Variants in RAB33A observed in about 807,000 individuals in gnomAD.
The protein encoded by RAB33A is RAB33A, member RAS oncogene family.
A neutral mutation model predicts 12.0 loss-of-function variants in RAB33A; 6 were observed. The observed-to-expected ratio is 0.50, with a 90% CI of 0.27 to 0.99. The LOEUF (loss-of-function observed/expected upper bound fraction) is 0.99, where lower values mean the gene tolerates loss of function less well. RAB33A is among the 50% of genes least tolerant of loss of function. The pLI, the probability that RAB33A is intolerant of heterozygous loss-of-function variation, is 0.11. For missense variants in RAB33A, 109 were observed against 192.0 expected, an observed-to-expected ratio of 0.57 and a Z score of 2.55; for synonymous variants, 70 against 82.4, an observed-to-expected ratio of 0.85 and a Z score of 0.81.
At chrX:130,150,577 T>C in the RAB33A span, among the ~76,000 whole-genome samples, 10 of 105,679 alleles carry the variant, frequency 9.5e-5, no homozygotes, top group East Asian at 1.8e-3. Flanking sequence ...CCTCGTGATC[T>C]GCCCGCCTCG....
chrX:130,169,951 G>A (rs1255480144), upstream of RAB33A, among the ~76,000 whole-genome samples: 6 of 111,930 alleles, frequency 5.4e-5, no homozygotes, highest in Admixed American at 3.8e-4. Context: ...AGAGGGGAAC[G>A]ATCCAGCAAA....
the RAB33A span, chrX:130,165,825 A>G: frequency 2.0e-6 from 1 of 512,515 alleles, no homozygotes; most frequent in Admixed American, 2.7e-5. Flanking sequence ...GGCCTGCTAG[A>G]GCCGGGGAAG....
upstream of RAB33A, among the ~76,000 whole-genome samples, chrX:130,168,210 CTTTTT>C (rs377586962): frequency 5.9e-3 from 559 of 94,141 alleles, 1 homozygote; most frequent in African/African-American, 0.018. Context: ...CAAAGATACT[CTTTTT>C]TTTTTTTTTT....
At chrX:130,178,871 C>T (rs1445195297) in intron 1 of RAB33A, among the ~76,000 whole-genome samples, 1 of 108,154 alleles carries the variant, frequency 9.2e-6, no homozygotes, top group Non-Finnish European at 1.9e-5. Flanking sequence ...CCAGGATGGT[C>T]TCGATCTCCT....
At chrX:130,143,099 G>A in the RAB33A span, among the ~76,000 whole-genome samples, 1 of 111,527 alleles carries the variant, frequency 9.0e-6, no homozygotes, top group Non-Finnish European at 1.9e-5. Context: ...TCTTAAGCCT[G>A]CTTCCTAAAA....
the RAB33A span, among the ~76,000 whole-genome samples, chrX:130,155,650 A>G: frequency 1.8e-5 from 2 of 112,075 alleles, no homozygotes; most frequent in Non-Finnish European, 3.8e-5. Context: ...ACCAATGTAG[A>G]AAAAAACCCC....
At chrX:130,121,338 A>C in the RAB33A span, among the ~76,000 whole-genome samples, 2 of 77,675 alleles carry the variant, frequency 2.6e-5, no homozygotes, top group African/African-American at 5.3e-5. Flanking sequence ...TCCGCACCCC[A>C]CCCCCGGGTT....
chrX:130,114,340 C>G, the RAB33A span, among the ~76,000 whole-genome samples: 1 of 111,768 alleles, frequency 8.9e-6, no homozygotes, highest in Admixed American at 9.5e-5. Flanking sequence ...GCCCCACCCC[C>G]CTTGATGAAA....
the RAB33A span, among the ~76,000 whole-genome samples, chrX:130,135,439 T>TA: frequency 0.5 from 36,406 of 72,904 alleles, 8,235 homozygotes; most frequent in East Asian, 0.82. Context: ...TTTTTTTTTT[T>TA]AAAAAAAAAA....
the RAB33A span, among the ~76,000 whole-genome samples, chrX:130,132,168 G>A: frequency 2.3e-4 from 26 of 111,806 alleles, no homozygotes; most frequent in East Asian, 1.7e-3. Flanking sequence ...CACCGCACCC[G>A]ACCAACACCG....
chrX:130,117,826 G>C, the RAB33A span, among the ~76,000 whole-genome samples: 1 of 112,617 alleles, frequency 8.9e-6, no homozygotes, highest in Admixed American at 9.3e-5. Flanking sequence ...ATGAATAACT[G>C]CTGGCCCAAC....
chrX:130,171,477 C>G (rs1027316712), upstream of RAB33A, among the ~76,000 whole-genome samples: 2 of 112,324 alleles, frequency 1.8e-5, no homozygotes, highest in African/African-American at 3.2e-5. Context: ...AGGTGCAGCT[C>G]TTTGTCCTCC....
the RAB33A span, chrX:130,140,474 G>A: frequency 1.0e-6 from 1 of 989,060 alleles, no homozygotes; most frequent in Non-Finnish European, 1.4e-6. Flanking sequence ...AGAGAAGGCT[G>A]GACTCTAAAA....
the RAB33A span, among the ~76,000 whole-genome samples, chrX:130,151,299 C>A: frequency 9.1e-6 from 1 of 110,132 alleles, no homozygotes; most frequent in Non-Finnish European, 1.9e-5. Flanking sequence ...CGCCACCATG[C>A]CCAGCTAATT....
chrX:130,145,633 C>G, the RAB33A span: 1 of 900,990 alleles, frequency 1.1e-6, no homozygotes, highest in Non-Finnish European at 1.6e-6. Context: ...TCCCCCGTAG[C>G]TTTAATAAAA....
chrX:130,147,350 C>T, the RAB33A span: 1 of 722,191 alleles, frequency 1.4e-6, no homozygotes, highest in Non-Finnish European at 2.1e-6. Context: ...TATCTCTAAG[C>T]TGTACCAAGT....
chrX:130,150,219 AAT>A, the RAB33A span, among the ~76,000 whole-genome samples: 1 of 111,539 alleles, frequency 9.0e-6, no homozygotes, highest in African/African-American at 3.3e-5. Flanking sequence ...TTACATTTCA[AAT>A]ATTCTATCTT....
At chrX:130,132,098 C>T in the RAB33A span, among the ~76,000 whole-genome samples, 1 of 111,436 alleles carries the variant, frequency 9.0e-6, no homozygotes, top group South Asian at 3.8e-4. Context: ...TCTTGAACTC[C>T]TGACCTCAAG....
chrX:130,141,651 C>T, the RAB33A span, among the ~76,000 whole-genome samples: 2,072 of 111,364 alleles, frequency 0.019, 29 homozygotes, highest in Non-Finnish European at 0.03. Flanking sequence ...TACTTTCATT[C>T]TCTTCTGAGG....
Sources: allele counts gnomAD v4.1 joint callset (sites outside exome capture counted in the v4.1 genomes callset), GRCh38; gene constraint gnomAD v4.1.1; transcripts MANE v1.5; gene names NCBI Gene and HGNC (gene_info 2026-07-23, HGNC 2026-07-21).